Variants in NF1 observed in about 807,000 individuals in gnomAD.
NF1 encodes neurofibromin.
A neutral mutation model predicts 325.7 loss-of-function variants in NF1; 122 were observed. That is an observed-to-expected ratio of 0.37 (90% CI 0.32 to 0.44). The LOEUF (loss-of-function observed/expected upper bound fraction) is 0.44. NF1 is among the 20% of genes least tolerant of loss of function. The pLI is 1.00. For missense variants in NF1, 2,140 were observed against 3,415.4 expected (o/e 0.63, Z 9.31); for synonymous variants, 1,091 against 1,186.0 (o/e 0.92, Z 1.65).
intron 1 of NF1, among the ~76,000 whole-genome samples, chr17:31,131,351 G>A (rs373622612): frequency 5.3e-5 from 8 of 152,198 alleles, no homozygotes; most frequent in Admixed American, 4.6e-4. Context: ...CCTGGTGAGA[G>A]TGGGTTGCTG....
chr17:31,114,512 T>A (rs1217042718), intron 1 of NF1, among the ~76,000 whole-genome samples: 1 of 150,176 alleles, frequency 6.7e-6, no homozygotes, highest in African/African-American at 2.5e-5. Context: ...CACTCCAGCC[T>A]GGGTGACAGA....
chr17:31,320,042 A>AT (rs1372470773), intron 36 of NF1, among the ~76,000 whole-genome samples: 18 of 152,210 alleles, frequency 1.2e-4, no homozygotes, highest in African/African-American at 3.8e-4. Flanking sequence ...TATATTATAC[A>AT]TTTTTTAAAT....
intron 36 of NF1, among the ~76,000 whole-genome samples, chr17:31,325,479 T>C (rs1378164226): frequency 6.6e-6 from 1 of 152,190 alleles, no homozygotes; most frequent in Non-Finnish European, 1.5e-5. Context: ...ACTCCAGAGC[T>C]CCAGATGGGT....
At chr17:31,287,542 C>CTCTGTGTGTGTGTGTG (rs987459488) in intron 36 of NF1, among the ~76,000 whole-genome samples, 1 of 145,590 alleles carries the variant, frequency 6.9e-6, no homozygotes, top group African/African-American at 2.6e-5. Context: ...TCATTCATAA[C>CTCTGTGTGTGTGTGTG]TGTGTGTGTG....
rs937723199 is a variant in NF1 at position 31,337,054 on chromosome 17, T to C, written c.6427+140T>C. Reference sequence around the variant, plus strand: ...AGCCTCCAGTAATGACATGAAATATTACCAAAAAGAAAATAAATTACTTCC... The same window carrying C: ...AGCCTCCAGTAATGACATGAAATATCACCAAAAAGAAAATAAATTACTTCC... On this transcript the variant is annotated intron_variant, in intron 42 of 57. Transcript: ENST00000358273. 22 of 864,916 alleles carry C rather than the reference T, an allele frequency of 2.5e-5. No homozygotes were observed. In the Admixed American group the frequency reaches 3.1e-4, roughly 12 times the overall value. 53.6% of individuals were successfully genotyped at this position (864,916 alleles called of 1,614,324 possible). A position where few individuals can be genotyped will look rare whatever the true frequency, so the allele number is the denominator to read the frequency against.
At chr17:31,146,784 C>T (rs1916615829) in intron 1 of NF1, among the ~76,000 whole-genome samples, 1 of 152,210 alleles carries the variant, frequency 6.6e-6, no homozygotes, top group Non-Finnish European at 1.5e-5. Context: ...CTGAGTTGCC[C>T]AGAATTGCGG....
intron 37 of NF1, 25 bp from the exon 38 acceptor site, chr17:31,327,474 T>C (rs2151540656): frequency 6.3e-7 from 1 of 1,580,870 alleles, no homozygotes; most frequent in East Asian, 2.2e-5. Context: ...CTTCTCCACT[T>C]CACCCCGTCA....
In NF1 at chr17:31,332,590, T is replaced by A. The variant is rs577576602; in HGVS notation, c.5812+2092T>A. 4.0e-5 allele frequency among the ~76,000 whole-genome samples: 4 copies of A among 100,748 alleles called. 1 individual carries two copies. Among genetic ancestry groups the A allele is most frequent in the African/African-American group, 1.1e-4 (4 of 35,156 alleles). The allele number at this position is 100,748 out of a possible 152,430, so 66.1% of individuals were successfully genotyped here. ...CAGATCATGGTTTTTTTTTTTTTTT[T>A]ATTATACTCTAAGTTTTAGGGTACA... On this transcript the variant is annotated intron_variant, in intron 39 of 57. Transcript: ENST00000358273.
At chr17:31,276,110 G>A (rs1464671929) in intron 36 of NF1, among the ~76,000 whole-genome samples, 1 of 150,510 alleles carries the variant, frequency 6.6e-6, no homozygotes, top group African/African-American at 2.5e-5. Context: ...TTGGGAGGCT[G>A]AGGCAGGAGC....
At chr17:31,160,684 A>G (rs2065747789) in intron 3 of NF1, among the ~76,000 whole-genome samples, 1 of 152,170 alleles carries the variant, frequency 6.6e-6, no homozygotes, top group Non-Finnish European at 1.5e-5. Context: ...AGCCACACCC[A>G]TGACTGAATG....
In NF1 at chr17:31,232,043, ATTTTTTTT is replaced by A. The variant is rs371047262; in HGVS notation, c.3198-11_3198-4del. 1.1e-3 allele frequency: 625 copies of A among 589,902 alleles called. 6 individuals carry two copies. The African/African-American group carries it at 0.017, about 16-fold the overall frequency. The allele number at this position is 589,902 out of a possible 1,614,324, so 36.5% of individuals were successfully genotyped here. On this transcript the variant is annotated intron_variant, in intron 24 of 57. Transcript: ENST00000358273. Reference sequence around the variant, plus strand: ...AACTTGAAAGATTCATGGTCTCTAAATTTTTTTTTTTTTTTTTTTTTTTTTTCAGAGAT... The same window carrying A: ...AACTTGAAAGATTCATGGTCTCTAAATTTTTTTTTTTTTTTTTTCAGAGAT...
chr17:31,202,619 G>A (rs2066550326), intron 11 of NF1, among the ~76,000 whole-genome samples: 1 of 152,082 alleles, frequency 6.6e-6, no homozygotes, highest in African/African-American at 2.4e-5. Flanking sequence ...AATGCCAGTT[G>A]TGCTGCATCT....
intron 27 of NF1, among the ~76,000 whole-genome samples, chr17:31,234,351 G>A (rs1480834883): frequency 6.6e-6 from 1 of 152,120 alleles, no homozygotes; most frequent in Non-Finnish European, 1.5e-5. Context: ...CCTATAATTA[G>A]CACTGAAAAT....
intron 19 of NF1, 76 bp from the exon 20 acceptor site, chr17:31,227,447 T>C (rs2067035636): frequency 3.3e-6 from 5 of 1,520,348 alleles, no homozygotes; most frequent in Non-Finnish European, 3.7e-6. Context: ...TACATCAAGT[T>C]TGAAACTTGG....
At position 31,326,145 on chromosome 17, in the gene NF1, C is replaced by T. The variant is rs760936909; in HGVS notation, c.5161C>T (p.His1721Tyr). ...CPGKLAEHIE[H>Y]EQQKLPAATL... Reference sequence around the variant, plus strand: ...TGGGAAACTGGCTGAGCACATAGAGCATGAACAACAGAAACTACCTGCTGC... The same window carrying T: ...TGGGAAACTGGCTGAGCACATAGAGTATGAACAACAGAAACTACCTGCTGC... The change falls in exon 37 of 58, where the codon CAT becomes TAT. Residue 1721 changes from histidine (H) to tyrosine (Y), a missense_variant. This residue lies in a region of NF1 where 147 missense variants were observed against 186.7 expected (regional missense o/e 0.79). Coordinates refer to ENST00000358273, the MANE Select transcript of NF1 (RefSeq NM_001042492.3). 1.9e-6 allele frequency: 3 copies of T among 1,612,716 alleles called. No homozygotes were observed. Among genetic ancestry groups the T allele is most frequent in the Non-Finnish European group, 2.5e-6 (3 of 1,179,394 alleles).
intron 4 of NF1, among the ~76,000 whole-genome samples, chr17:31,167,603 A>AT (rs2065866173): frequency 1.3e-5 from 2 of 152,134 alleles, no homozygotes; most frequent in African/African-American, 2.4e-5. Context: ...TGCTGCTTAT[A>AT]TTTTTTATGT....
chr17:31,317,750 G>GTTTTTCT, intron 36 of NF1: 1 of 152,292 alleles, frequency 6.6e-6, no homozygotes, highest in East Asian at 1.9e-4. Flanking sequence ...TTTCTTACGT[G>GTTTTTCT]TGCCATATGG....
At chr17:31,184,654 A>T (rs1339262486) in intron 8 of NF1, among the ~76,000 whole-genome samples, 11 of 148,118 alleles carry the variant, frequency 7.4e-5, no homozygotes, top group Admixed American at 1.3e-4. Flanking sequence ...TCTCAAAAAA[A>T]AAAAATAAAA....
At chr17:31,273,100 G>C (rs1010988858) in intron 36 of NF1, among the ~76,000 whole-genome samples, 2 of 152,060 alleles carry the variant, frequency 1.3e-5, no homozygotes, top group East Asian at 3.8e-4. Context: ...AGTAGGGTAG[G>C]GGCAAAGACT....
Sources: allele counts gnomAD v4.1 joint callset (sites outside exome capture counted in the v4.1 genomes callset), GRCh38; gene constraint gnomAD v4.1.1; regional missense constraint gnomAD v4.1.1; transcripts MANE v1.5; gene names NCBI Gene and HGNC (gene_info 2026-07-23, HGNC 2026-07-21).